The following CDH13 variants were observed in gnomAD, a reference collection of about 807,000 sequenced individuals.
CDH13 encodes cadherin 13, also known as cadherin-13.
A neutral mutation model predicts 63.8 loss-of-function variants in CDH13; 24 were observed. That is an observed-to-expected ratio of 0.38 (90% CI 0.27 to 0.53). CDH13 has a LOEUF of 0.53. CDH13 is among the 20% of genes least tolerant of loss of function. CDH13 has a pLI of 0.85. For missense variants in CDH13, 1,049 were observed against 903.1 expected, an observed-to-expected ratio of 1.16 and a Z score of -2.07; for synonymous variants, 503 against 355.3, an observed-to-expected ratio of 1.42 and a Z score of -4.67.
At chr16:83,121,864 C>T (rs2035592854) in intron 3 of CDH13, among the ~76,000 whole-genome samples, 1 of 152,170 alleles carries the variant, frequency 6.6e-6, no homozygotes, top group African/African-American at 2.4e-5. Context: ...TATACTCCCA[C>T]CCAAATCAAG....
At chr16:82,942,988 G>A (rs934001912) in intron 2 of CDH13, among the ~76,000 whole-genome samples, 8 of 152,242 alleles carry the variant, frequency 5.3e-5, no homozygotes, top group African/African-American at 1.4e-4. Flanking sequence ...GAATTTATTT[G>A]TATGCCTAAC....
chr16:82,976,919 A>G (rs761935713), intron 2 of CDH13, among the ~76,000 whole-genome samples: 4 of 152,128 alleles, frequency 2.6e-5, no homozygotes, highest in Non-Finnish European at 5.9e-5. Flanking sequence ...ACAAAAGACA[A>G]TGGCTTGTTC....
At chr16:83,106,906 TA>T (rs922181703) in intron 3 of CDH13, among the ~76,000 whole-genome samples, 3 of 152,010 alleles carry the variant, frequency 2.0e-5, no homozygotes, top group Non-Finnish European at 4.4e-5. Context: ...ATTTTTTTTT[TA>T]AAAAAGTATA....
At chr16:83,081,024 G>A (rs1322245518) in intron 3 of CDH13, among the ~76,000 whole-genome samples, 1 of 151,680 alleles carries the variant, frequency 6.6e-6, no homozygotes, top group Non-Finnish European at 1.5e-5. Flanking sequence ...TGGGACTACA[G>A]GCATGCGCCA....
intron 6 of CDH13, among the ~76,000 whole-genome samples, chr16:83,447,096 CTTTTTTTTTTTTTT>C (rs750432481): frequency 1.9e-3 from 79 of 41,516 alleles, no homozygotes; most frequent in Non-Finnish European, 3.0e-3. Flanking sequence ...TTATAGTAAC[CTTTTTTTTTTTTTT>C]TTTTTTTTTT....
chr16:82,868,234 T>G (rs1254558259), intron 2 of CDH13, among the ~76,000 whole-genome samples: 1 of 152,222 alleles, frequency 6.6e-6, no homozygotes, highest in Non-Finnish European at 1.5e-5. Flanking sequence ...TGACGATACA[T>G]CGGGTCAGAA....
intron 1 of CDH13, among the ~76,000 whole-genome samples, chr16:82,751,103 T>C (rs1398073820): frequency 5.3e-5 from 8 of 152,184 alleles, no homozygotes; most frequent in Non-Finnish European, 8.8e-5. Flanking sequence ...TATTTAATCA[T>C]ATGTAATCTT....
At chr16:82,869,241 T>G (rs1478518706) in intron 2 of CDH13, among the ~76,000 whole-genome samples, 2 of 152,182 alleles carry the variant, frequency 1.3e-5, no homozygotes, top group African/African-American at 4.8e-5. Context: ...GAGCAAAGTT[T>G]TGCCATGTTG....
intron 2 of CDH13, among the ~76,000 whole-genome samples, chr16:82,882,004 G>A (rs981833439): frequency 6.6e-6 from 1 of 152,114 alleles, no homozygotes; most frequent in African/African-American, 2.4e-5. Context: ...TAACTTTAAT[G>A]TATGATTATT....
At chr16:82,937,444 C>CACAG (rs1475753304) in intron 2 of CDH13, among the ~76,000 whole-genome samples, 1 of 151,928 alleles carries the variant, frequency 6.6e-6, no homozygotes, top group African/African-American at 2.4e-5. Flanking sequence ...CACAGACACA[C>CACAG]ACACACACAC....
At chr16:83,292,168 G>A (rs769756902) in intron 5 of CDH13, among the ~76,000 whole-genome samples, 5 of 152,168 alleles carry the variant, frequency 3.3e-5, no homozygotes, top group Non-Finnish European at 5.9e-5. Flanking sequence ...CTTGGTATCT[G>A]TCAACTGAAG....
chr16:83,488,582 C>G (rs1396836449), intron 7 of CDH13, among the ~76,000 whole-genome samples: 1 of 151,886 alleles, frequency 6.6e-6, no homozygotes, highest in Non-Finnish European at 1.5e-5. Flanking sequence ...CATTTCATCT[C>G]CCATTCTCTT....
At chr16:82,685,592 CTGTGTGTGTGCACTTGCACATGTGTGGA>C (rs1205997380) in intron 1 of CDH13, among the ~76,000 whole-genome samples, 1 of 152,114 alleles carries the variant, frequency 6.6e-6, no homozygotes, top group Non-Finnish European at 1.5e-5. Context: ...GTGTTTGTGC[CTGTGTGTGTGCACTTGCACATGTGTGGA>C]TGTGTGTGTG....
At chr16:83,297,171 G>A (rs573923755) in intron 5 of CDH13, among the ~76,000 whole-genome samples, 45 of 151,998 alleles carry the variant, frequency 3.0e-4, no homozygotes, top group Admixed American at 2.0e-3. Flanking sequence ...TGCATAATAG[G>A]GTGACTATAG....
intron 1 of CDH13, among the ~76,000 whole-genome samples, chr16:82,666,206 T>C (rs11646043): frequency 0.36 from 54,055 of 151,976 alleles, 11,276 homozygotes; most frequent in Non-Finnish European, 0.48. Flanking sequence ...TATCCTTAGG[T>C]GTTTATTCAT....
chr16:83,251,357 C>G (rs1271604865), intron 5 of CDH13, among the ~76,000 whole-genome samples: 1 of 152,172 alleles, frequency 6.6e-6, no homozygotes, highest in Non-Finnish European at 1.5e-5. Context: ...GTTATCCTTA[C>G]AAGAAAATTG....
intron 2 of CDH13, among the ~76,000 whole-genome samples, chr16:82,922,680 T>G (rs1204599764): frequency 6.6e-6 from 1 of 152,150 alleles, no homozygotes. Flanking sequence ...TGCCTGAAAG[T>G]GAGAATTCTA....
chr16:83,450,545 A>G (rs909738491), intron 6 of CDH13, among the ~76,000 whole-genome samples: 14 of 152,082 alleles, frequency 9.2e-5, no homozygotes, highest in African/African-American at 2.4e-5. Context: ...AATCGAACGG[A>G]AAAAAATGTG....
intron 1 of CDH13, among the ~76,000 whole-genome samples, chr16:82,671,397 G>A (rs951213808): frequency 1.3e-5 from 2 of 152,144 alleles, no homozygotes; most frequent in East Asian, 1.9e-4. Context: ...AACAAGACTT[G>A]TTCTTTTCCT....
Sources: gnomAD v4.1 joint callset for allele counts (sites outside exome capture counted in the v4.1 genomes callset) on GRCh38, gnomAD v4.1.1 for gene constraint, MANE v1.5 for transcripts, NCBI Gene and HGNC (gene_info 2026-07-23, HGNC 2026-07-21) for gene names.